The following SGCZ variants were observed in gnomAD, a reference collection of about 807,000 sequenced individuals.
The protein encoded by SGCZ is sarcoglycan zeta, also known as zeta-sarcoglycan.
Under a neutral mutation model 41.3 loss-of-function variants are expected in SGCZ, and 40 were observed. The observed-to-expected ratio is 0.97, with a 90% confidence interval of 0.75 to 1.26. The LOEUF (loss-of-function observed/expected upper bound fraction) is 1.26, where lower values mean the gene tolerates loss of function less well. Among genes scored for constraint, SGCZ ranks in the 50% most tolerant of loss-of-function variants. The pLI is 0.00. For missense variants in SGCZ, 552 were observed against 369.8 expected (o/e 1.49, Z -4.04); for synonymous variants, 206 against 137.5 (o/e 1.50, Z -3.49).
chr8:14,783,999 T>G (rs918201378), intron 1 of SGCZ, among the ~76,000 whole-genome samples: 4 of 152,116 alleles, frequency 2.6e-5, no homozygotes, highest in Non-Finnish European at 5.9e-5. Flanking sequence ...TTAAAATAAT[T>G]GTACCCTTTA....
At chr8:14,608,187 T>G (rs1484357630) in intron 1 of SGCZ, among the ~76,000 whole-genome samples, 1 of 150,498 alleles carries the variant, frequency 6.6e-6, no homozygotes, top group Admixed American at 6.6e-5. Context: ...AAACTCTCCA[T>G]AAGGTGGAAT....
chr8:14,952,111 G>A (rs1293851402), intron 1 of SGCZ, among the ~76,000 whole-genome samples: 6 of 151,892 alleles, frequency 4.0e-5, no homozygotes, highest in Admixed American at 2.0e-4. Flanking sequence ...GAGTGCTGGG[G>A]TCAATTATAG....
At chr8:14,961,204 T>C (rs1355011920) in intron 1 of SGCZ, among the ~76,000 whole-genome samples, 1 of 152,100 alleles carries the variant, frequency 6.6e-6, no homozygotes, top group Non-Finnish European at 1.5e-5. Flanking sequence ...AGCTCCATCA[T>C]TTTCTTTTTA....
chr8:15,229,091 C>A (rs111673102), intron 1 of SGCZ, among the ~76,000 whole-genome samples: 11 of 152,142 alleles, frequency 7.2e-5, no homozygotes, highest in African/African-American at 2.7e-4. Flanking sequence ...ATTCAGGAGG[C>A]TGAGGTGGGA....
chr8:14,428,970 A>G (rs910847832), intron 2 of SGCZ, among the ~76,000 whole-genome samples: 1 of 152,190 alleles, frequency 6.6e-6, no homozygotes, highest in African/African-American at 2.4e-5. Context: ...ATTTTGGTAA[A>G]TCAGATTACG....
At chr8:14,691,273 G>A (rs183531925) in intron 1 of SGCZ, among the ~76,000 whole-genome samples, 1 of 152,210 alleles carries the variant, frequency 6.6e-6, no homozygotes, top group East Asian at 1.9e-4. Flanking sequence ...TACTCCTGTT[G>A]CTCTTTGAAA....
At chr8:14,538,834 A>C (rs1397900041) in intron 2 of SGCZ, among the ~76,000 whole-genome samples, 1 of 151,850 alleles carries the variant, frequency 6.6e-6, no homozygotes, top group Non-Finnish European at 1.5e-5. Context: ...ATATATTTTA[A>C]GATAGACCAA....
intron 1 of SGCZ, among the ~76,000 whole-genome samples, chr8:15,134,151 C>T (rs1266341124): frequency 6.6e-6 from 1 of 152,044 alleles, no homozygotes; most frequent in African/African-American, 2.4e-5. Flanking sequence ...AAAAATCAAG[C>T]TTTATCTTTA....
At chr8:14,903,095 G>T (rs1217371733) in intron 1 of SGCZ, among the ~76,000 whole-genome samples, 1 of 152,004 alleles carries the variant, frequency 6.6e-6, no homozygotes, top group Non-Finnish European at 1.5e-5. Context: ...CGAGGCAGAG[G>T]GTTCTGGTTT....
chr8:14,264,769 G>A (rs1799815707), intron 3 of SGCZ, among the ~76,000 whole-genome samples: 1 of 152,212 alleles, frequency 6.6e-6, no homozygotes, highest in East Asian at 1.9e-4. Flanking sequence ...AGACCATCCT[G>A]GCTAACACGG....
intron 1 of SGCZ, among the ~76,000 whole-genome samples, chr8:14,784,742 A>G (rs935054273): frequency 1.3e-5 from 2 of 151,054 alleles, no homozygotes; most frequent in East Asian, 2.0e-4. Flanking sequence ...TAAAAATACA[A>G]AAATACAAAA....
intron 1 of SGCZ, among the ~76,000 whole-genome samples, chr8:14,800,659 C>T (rs1801292042): frequency 6.6e-6 from 1 of 152,120 alleles, no homozygotes; most frequent in South Asian, 2.1e-4. Context: ...TCTCCTTCTG[C>T]CATGTAAGAC....
At chr8:14,283,391 A>G (rs1795575623) in intron 3 of SGCZ, among the ~76,000 whole-genome samples, 1 of 152,294 alleles carries the variant, frequency 6.6e-6, no homozygotes, top group Non-Finnish European at 1.5e-5. Flanking sequence ...AGAGAATGCA[A>G]GAGATGAGAA....
At chr8:14,285,405 G>A (rs1015957370) in intron 3 of SGCZ, among the ~76,000 whole-genome samples, 1 of 151,880 alleles carries the variant, frequency 6.6e-6, no homozygotes, top group Non-Finnish European at 1.5e-5. Context: ...TTTTTGATAC[G>A]CTCAGCATAA....
chr8:14,391,461 T>C (rs1359831561), intron 2 of SGCZ, among the ~76,000 whole-genome samples: 2 of 152,114 alleles, frequency 1.3e-5, no homozygotes, highest in Non-Finnish European at 2.9e-5. Flanking sequence ...AAGATTAATG[T>C]TGTAACCCAG....
At chr8:14,528,756 T>C (rs1803029542) in intron 2 of SGCZ, among the ~76,000 whole-genome samples, 1 of 146,802 alleles carries the variant, frequency 6.8e-6, no homozygotes, top group Non-Finnish European at 1.5e-5. Context: ...GCTGCCTCCT[T>C]CCTCCCAGTT....
intron 1 of SGCZ, among the ~76,000 whole-genome samples, chr8:14,787,778 G>A (rs1004480041): frequency 1.2e-4 from 18 of 152,056 alleles, no homozygotes; most frequent in African/African-American, 2.7e-4. Context: ...CTCGGGATGC[G>A]GAGATTGCGG....
At chr8:14,151,944 A>AT (rs34651488) in intron 5 of SGCZ, among the ~76,000 whole-genome samples, 52,305 of 151,962 alleles carry the variant, frequency 0.34, 11,433 homozygotes, top group Non-Finnish European at 0.49. Flanking sequence ...AACCAAAAAT[A>AT]TATCATAGAC....
intron 2 of SGCZ, among the ~76,000 whole-genome samples, chr8:14,551,485 TATATTATATATATTATATATATTA>T (rs1284840009): frequency 3.4e-4 from 1 of 2,944 alleles, no homozygotes; most frequent in Admixed American, 0.011. Context: ...ATATATTATA[TATATTATATATATTATATATATTA>T]TATATATTAT....
Sources: gnomAD v4.1 joint callset for allele counts (sites outside exome capture counted in the v4.1 genomes callset) on GRCh38, gnomAD v4.1.1 for gene constraint, MANE v1.5 for transcripts, NCBI Gene and HGNC (gene_info 2026-07-23, HGNC 2026-07-21) for gene names.